Variants in SLC18A1 observed in about 807,000 individuals in gnomAD.
SLC18A1 encodes solute carrier family 18 member A1.
A neutral mutation model predicts 53.7 loss-of-function variants in SLC18A1; 69 were observed. The ratio of observed to expected loss-of-function variants is 1.28; its 90% CI spans 1.06 to 1.57. The LOEUF (loss-of-function observed/expected upper bound fraction) is 1.57. Ranked by LOEUF, SLC18A1 falls within the 40% of genes most tolerant of loss-of-function variation. The pLI, the probability that SLC18A1 is intolerant of heterozygous loss-of-function variation, is 0.00. For missense variants in SLC18A1, 932 were observed against 668.1 expected, an observed-to-expected ratio of 1.40 and a Z score of -4.35; for synonymous variants, 320 against 248.1, an observed-to-expected ratio of 1.29 and a Z score of -2.72.
intron 8 of SLC18A1, among the ~76,000 whole-genome samples, chr8:20,166,409 A>G (rs2071966974): frequency 6.7e-6 from 1 of 149,562 alleles, no homozygotes; most frequent in African/African-American, 2.4e-5. Flanking sequence ...TTGAGAAAAA[A>G]AGGAGAACGC....
In SLC18A1 at chr8:20,174,402, C is replaced by T. The variant is rs756565344; in HGVS notation, c.590G>A (p.Arg197Gln). 57 of 1,613,792 alleles carry T rather than the reference C, an allele frequency of 3.5e-5. No homozygotes were observed. Among genetic ancestry groups the T allele is most frequent in the Admixed American group, 8.3e-5 (5 of 59,982 alleles). Reference protein sequence around the residue: ...SGTYTLLFVARTLQGIGSSFS... With the variant: ...SGTYTLLFVAQTLQGIGSSFS... ...TGAAGATCCAATGCCTTGAAGGGTT[C>T]GGGCCACAAAGAGTAGAGTATAGGT... Residue 197 changes from arginine to glutamine, a missense_variant, in exon 5 of 16, where the codon CGA becomes CAA. Coordinates refer to ENST00000276373, the MANE Select transcript of SLC18A1 (RefSeq NM_003053.4).
rs938448570 is a variant in SLC18A1, at chr8:20,145,562, G to C, written c.*201C>G. The stretch of plus-strand genomic sequence containing the variant: ...CTTCCCATAAAAGATGGGCCACTGC[G>C]GCACCAAGGCATAGAGGAAGAGCTA... On this transcript the variant is annotated 3_prime_UTR_variant, in exon 16 of 16. Transcript: ENST00000276373. The C allele has an allele frequency of 9.7e-6, 4 of 412,370 alleles. No individual in the cohort carries two copies. The highest frequency in any genetic ancestry group is 1.3e-5 in the Non-Finnish European group (3 of 231,852). The allele number at this position is 412,370 out of a possible 1,614,324, so 25.5% of individuals were successfully genotyped here.
intron 3 of SLC18A1, 47 bp from the exon 4 acceptor site, chr8:20,178,540 C>T (rs1465783315): frequency 7.2e-7 from 1 of 1,382,640 alleles, no homozygotes; most frequent in Admixed American, 1.9e-5. Context: ...AACAGGCACT[C>T]ACATACATGG....
chr8:20,172,238 C>A (rs2072141347), intron 6 of SLC18A1, among the ~76,000 whole-genome samples: 1 of 152,198 alleles, frequency 6.6e-6, no homozygotes, highest in Non-Finnish European at 1.5e-5. Flanking sequence ...TCATTTGGGA[C>A]ATGATAAAGG....
At chr8:20,147,752 G>A in intron 13 of SLC18A1, 30 bp from the exon 14 acceptor site, 1 of 1,605,024 alleles carries the variant, frequency 6.2e-7, no homozygotes, top group Non-Finnish European at 8.5e-7. Context: ...GACACAGTCA[G>A]CCCCACCCAC....
chr8:20,153,276 A>G (rs1049840239), intron 10 of SLC18A1, among the ~76,000 whole-genome samples: 2 of 152,122 alleles, frequency 1.3e-5, no homozygotes, highest in African/African-American at 4.8e-5. Flanking sequence ...GCAACAAGAT[A>G]GCTTAGCTAG....
rs369858028 is a variant in SLC18A1 at position 20,145,813 on chromosome 8, C to A, written c.1528G>T (p.Glu510Ter). ...TCACTGTCCTCCCCCAGAGGAAATT[C>A]CTTCGTGGGCTTCTGGGTTGCATAC... ...RMYATQKPTK[E>*]FPLGEDSDEE... The change falls in exon 16 of 16, where the codon GAA becomes TAA. Residue 510 changes from glutamate to a stop codon, truncating the protein, a stop_gained. Transcript: ENST00000276373. LOFTEE classifies it high-confidence loss of function. The A allele has an allele frequency of 6.2e-7, 1 of 1,612,312 alleles. No individual in the cohort carries two copies. Among genetic ancestry groups the A allele is most frequent in the Non-Finnish European group, 8.5e-7 (1 of 1,179,230 alleles).
At position 20,150,909 on chromosome 8, in the gene SLC18A1, G is replaced by A. The variant is rs934938386; in HGVS notation, c.1016-165C>T. The A allele has an allele frequency of 4.7e-6, 3 of 632,004 alleles. No homozygotes were observed. The African/African-American group carries it at 5.4e-5, about 11-fold the overall frequency. 39.1% of individuals were successfully genotyped at this position (632,004 alleles called of 1,614,324 possible). The stretch of plus-strand genomic sequence containing the variant: ...GTGCAAACCCACAGTAGTTGCCATA[G>A]GACCCCCACACCTCTCCTTTCTTCA... On this transcript the variant is annotated intron_variant, in intron 10 of 15. Transcript: ENST00000276373.
At chr8:20,157,116 A>T (rs1273321709) in intron 10 of SLC18A1, among the ~76,000 whole-genome samples, 1 of 152,212 alleles carries the variant, frequency 6.6e-6, no homozygotes, top group African/African-American at 2.4e-5. Context: ...AGGAATAAGC[A>T]TTAGGACCAT....
chr8:20,177,041 C>T (rs1355240690), intron 4 of SLC18A1, among the ~76,000 whole-genome samples: 2 of 152,168 alleles, frequency 1.3e-5, no homozygotes, highest in African/African-American at 4.8e-5. Flanking sequence ...ATTATACATG[C>T]ACTGCATAAA....
rs1288105618 is a variant in SLC18A1 at position 20,149,675 on chromosome 8, C to A, written c.1146+1G>T. On this transcript the variant is annotated splice_donor_variant, in intron 12 of 15. Coordinates refer to ENST00000276373, the MANE Select transcript of SLC18A1 (RefSeq NM_003053.4). LOFTEE classifies it high-confidence loss of function. ...CCTCCCCCAGGTCTTCTTATACTTACACAGAGCAAGCTGGTACCTACTACC... is the reference window on the plus strand; with the variant it reads ...CCTCCCCCAGGTCTTCTTATACTTAAACAGAGCAAGCTGGTACCTACTACC... 3 of 1,612,968 alleles carry A rather than the reference C, an allele frequency of 1.9e-6. No individual in the cohort carries two copies. The Admixed American group carries it at 5.0e-5, about 27-fold the overall frequency.
intron 10 of SLC18A1, among the ~76,000 whole-genome samples, chr8:20,163,930 G>C (rs2128873942): frequency 6.6e-6 from 1 of 152,210 alleles, no homozygotes; most frequent in East Asian, 1.9e-4. Flanking sequence ...GACCCTGAGT[G>C]GTCAGAGCCT....
intron 12 of SLC18A1, among the ~76,000 whole-genome samples, chr8:20,148,853 C>A (rs912919439): frequency 2.0e-5 from 3 of 152,164 alleles, no homozygotes; most frequent in Admixed American, 2.0e-4. Flanking sequence ...TCACTATGGG[C>A]TCACCATGTG....
intron 10 of SLC18A1, among the ~76,000 whole-genome samples, chr8:20,152,020 C>A (rs890693229): frequency 6.6e-6 from 1 of 152,116 alleles, no homozygotes; most frequent in African/African-American, 2.4e-5. Flanking sequence ...GGTGATATAG[C>A]AGAGCAACTC....
At chr8:20,166,602 G>A (rs1257568004) in intron 8 of SLC18A1, among the ~76,000 whole-genome samples, 2 of 151,548 alleles carry the variant, frequency 1.3e-5, no homozygotes, top group Non-Finnish European at 2.9e-5. Flanking sequence ...AAAGACTGGA[G>A]GGATTGACAC....
At chr8:20,157,656 G>T (rs1563736581) in intron 10 of SLC18A1, among the ~76,000 whole-genome samples, 1 of 152,154 alleles carries the variant, frequency 6.6e-6, no homozygotes, top group Non-Finnish European at 1.5e-5. Flanking sequence ...AATCTTAAAA[G>T]ATAAGTTTAT....
chr8:20,165,212 A>G, intron 8 of SLC18A1, 105 bp from the exon 9 acceptor site: 1 of 999,166 alleles, frequency 1.0e-6, no homozygotes. Context: ...GACCATCTAC[A>G]GTATCTCCTT....
intron 10 of SLC18A1, among the ~76,000 whole-genome samples, chr8:20,162,977 C>T (rs1486511498): frequency 6.6e-6 from 1 of 152,166 alleles, no homozygotes; most frequent in Non-Finnish European, 1.5e-5. Flanking sequence ...TTCTCATTAC[C>T]CATTTTCTGT....
rs145146393 is a variant in SLC18A1 at position 20,155,352 on chromosome 8, G to A, written c.1016-4608C>T. ...TGTCAGCCAGTTACAAACGATTAGC[G>A]TGGCTGCTGGACTTAAGACTCAGCT... On this transcript the variant is annotated intron_variant, in intron 10 of 15. Transcript: ENST00000276373. Among the ~76,000 whole-genome samples, 157 of 152,308 alleles carry A rather than the reference G, an allele frequency of 1.0e-3. 1 individual carries two copies. The highest frequency in any genetic ancestry group is 6.4e-3 in the East Asian group (33 of 5,184).
Sources: allele counts gnomAD v4.1 joint callset (sites outside exome capture counted in the v4.1 genomes callset), GRCh38; gene constraint gnomAD v4.1.1; transcripts MANE v1.5; gene names NCBI Gene and HGNC (gene_info 2026-07-23, HGNC 2026-07-21).